The following PDSS2 variants were observed in gnomAD, a reference collection of about 807,000 sequenced individuals.
PDSS2 encodes decaprenyl diphosphate synthase subunit 2.
In PDSS2, 31 loss-of-function variants were observed where a neutral mutation model predicts 44.5. The observed-to-expected ratio is 0.70, with a 90% CI of 0.52 to 0.94. The LOEUF (loss-of-function observed/expected upper bound fraction) is 0.94, where lower values mean the gene tolerates loss of function less well. Ranked by LOEUF, PDSS2 falls within the 40% of genes least tolerant of loss-of-function variation. The pLI, the probability that PDSS2 is intolerant of heterozygous loss-of-function variation, is 0.00. For synonymous variants in PDSS2, 157 were observed against 180.3 expected, an observed-to-expected ratio of 0.87 and a Z score of 1.03; for missense variants, 452 against 482.2, an observed-to-expected ratio of 0.94 and a Z score of 0.59.
Position 107,459,279 on chromosome 6 carries a change from A to G in PDSS2, c.7T>C (p.Phe3Leu), listed in dbSNP as rs3734675. MN[F>L]RQLLLHLPRY... The stretch of plus-strand genomic sequence containing the variant: ...GGCAAGTGCAACAGCAGCTGCCGAA[A>G]GTTCATGGTTTGAGTCTGGAAGGGT... Residue 3 changes from phenylalanine (F) to leucine (L), a missense_variant, in exon 1 of 8, where the codon TTT (phenylalanine) becomes CTT (leucine). Transcript: ENST00000369037. This position sits in a 1 kb window ranked among gnomAD's most constrained non-coding sequence, Gnocchi z 4.3. The G allele has an allele frequency of 6.0e-3, 9,761 of 1,613,980 alleles. 329 individuals are homozygous for G. The East Asian group carries it at 0.1, about 17-fold the overall frequency.
chr6:107,182,850 T>C (rs1428733575), intron 7 of PDSS2, among the ~76,000 whole-genome samples: 3 of 152,164 alleles, frequency 2.0e-5, no homozygotes, highest in Admixed American at 6.6e-5. Context: ...GTCTGAAATG[T>C]AGTTGCCAAG....
chr6:107,359,240 G>A (rs956200849), intron 1 of PDSS2, among the ~76,000 whole-genome samples: 1 of 151,078 alleles, frequency 6.6e-6, no homozygotes, highest in African/African-American at 2.4e-5. Context: ...TCAAACTCCT[G>A]ACCTCAGGTG....
At chr6:107,211,182 G>A (rs533713128) in intron 5 of PDSS2, among the ~76,000 whole-genome samples, 1 of 151,754 alleles carries the variant, frequency 6.6e-6, no homozygotes, top group East Asian at 1.9e-4. Flanking sequence ...AATAAAATAT[G>A]CAAAAAGCTC....
intron 4 of PDSS2, among the ~76,000 whole-genome samples, chr6:107,213,530 G>A (rs1166115206): frequency 1.3e-5 from 2 of 152,108 alleles, no homozygotes; most frequent in African/African-American, 4.8e-5. Context: ...GGAGGCTGAG[G>A]TGGGTGGATC....
At chr6:107,161,992 C>T (rs900523596) in intron 7 of PDSS2, among the ~76,000 whole-genome samples, 3 of 152,048 alleles carry the variant, frequency 2.0e-5, no homozygotes, top group Non-Finnish European at 4.4e-5. Flanking sequence ...ATAAATACTC[C>T]CATTATGGCT....
intron 7 of PDSS2, among the ~76,000 whole-genome samples, chr6:107,175,307 T>C (rs528743303): frequency 1.3e-5 from 2 of 152,186 alleles, no homozygotes; most frequent in South Asian, 2.1e-4. Flanking sequence ...ACGAGGTAGA[T>C]GCTACTATTA....
At chr6:107,241,448 A>G (rs551896974) in intron 4 of PDSS2, among the ~76,000 whole-genome samples, 7 of 141,704 alleles carry the variant, frequency 4.9e-5, no homozygotes, top group South Asian at 2.3e-4. Flanking sequence ...CCGGGTTCAC[A>G]CCATTCTTCT....
In PDSS2 at chr6:107,245,418, C is replaced by CAAA. The variant is rs35614951; in HGVS notation, c.702+127_702+129dup. On this transcript the variant is annotated intron_variant, in intron 4 of 7. Transcript: ENST00000369037. ...ATGAATTTGTAGCCAAAACACTAATCAAAAAAAAAAAAAAAAAAAAAAAAA... is the reference window on the plus strand; with the variant it reads ...ATGAATTTGTAGCCAAAACACTAATCAAAAAAAAAAAAAAAAAAAAAAAAAAAA... 2.4e-4 allele frequency: 29 copies of CAAA among 120,340 alleles called. 1 individual carries two copies. The highest frequency in any genetic ancestry group is 1.1e-3 in the African/African-American group (10 of 8,934). The allele number at this position is 120,340 out of a possible 1,614,324, so 7.5% of individuals were successfully genotyped here. A position where few individuals can be genotyped will look rare whatever the true frequency, so the allele number is the denominator to read the frequency against.
In PDSS2 at chr6:107,362,907, G is replaced by A. The variant is rs761231318; in HGVS notation, c.297-28575C>T. ...TGAAATGAAAATATCACCAGAGAGT[G>A]CAATAGAGGATGTGAAATAGCAGAA... is the stretch of plus-strand genomic sequence containing the variant. On this transcript the variant is annotated intron_variant, in intron 1 of 7. Coordinates refer to ENST00000369037, the MANE Select transcript of PDSS2 (RefSeq NM_020381.4). Among the ~76,000 whole-genome samples, 10 of 152,152 alleles carry A rather than the reference G, an allele frequency of 6.6e-5. No individual in the cohort carries two copies. The South Asian group carries it at 8.3e-4, about 13-fold the overall frequency.
At chr6:107,244,656 C>G (rs1582838862) in intron 4 of PDSS2, among the ~76,000 whole-genome samples, 1 of 152,272 alleles carries the variant, frequency 6.6e-6, no homozygotes, top group South Asian at 2.1e-4. Flanking sequence ...CTGGGTTATA[C>G]TTTTAAATTT....
chr6:107,295,645 C>T (rs1776486609), intron 2 of PDSS2, among the ~76,000 whole-genome samples: 2 of 152,076 alleles, frequency 1.3e-5, no homozygotes, highest in East Asian at 1.9e-4. Context: ...CCAAGAGTGA[C>T]CAGCACAGCC....
chr6:107,176,580 G>A (rs572739104), intron 7 of PDSS2, among the ~76,000 whole-genome samples: 1 of 152,240 alleles, frequency 6.6e-6, no homozygotes, highest in East Asian at 1.9e-4. Context: ...GCAGCCTCCT[G>A]TTGGGAGTGA....
intron 1 of PDSS2, among the ~76,000 whole-genome samples, chr6:107,355,231 C>T (rs72939875): frequency 0.069 from 10,452 of 152,212 alleles, 430 homozygotes; most frequent in Non-Finnish European, 0.091. Context: ...TTCTATGCTT[C>T]TTACATCAAA....
chr6:107,428,669 A>G (rs568499015), intron 1 of PDSS2, among the ~76,000 whole-genome samples: 15 of 152,216 alleles, frequency 9.9e-5, no homozygotes, highest in African/African-American at 3.6e-4. Flanking sequence ...CATCTTTACA[A>G]AAAGAAATTT....
intron 3 of PDSS2, among the ~76,000 whole-genome samples, chr6:107,246,254 T>C (rs193227334): frequency 1.3e-5 from 2 of 152,152 alleles, no homozygotes; most frequent in East Asian, 3.9e-4. Flanking sequence ...GATCAAAAGC[T>C]TTGAACTTGT....
At chr6:107,390,233 G>C (rs998077272) in intron 1 of PDSS2, among the ~76,000 whole-genome samples, 2 of 152,084 alleles carry the variant, frequency 1.3e-5, no homozygotes, top group Admixed American at 6.5e-5. Flanking sequence ...CATTACAGTA[G>C]AGAAATCTGC....
Position 107,210,563 on chromosome 6 carries a change from G to A in PDSS2, c.884C>T (p.Ser295Phe). The change falls in exon 6 of 8, where the codon TCT becomes TTT. Residue 295 changes from serine (S) to phenylalanine (F), a missense_variant. Physicochemically the swap from Ser to Phe is radical, Grantham distance 155. Coordinates refer to ENST00000369037, the MANE Select transcript of PDSS2 (RefSeq NM_020381.4). ...TTCTTTAATAAAAGGCTGGACATCA[G>A]AATTTATCTACAAGAAGCAATTAAA... ...KHMAMSHKINSDVQPFIKEKT... is the reference protein window; with the variant it reads ...KHMAMSHKINFDVQPFIKEKT... 6.3e-7 allele frequency: 1 copy of A among 1,592,054 alleles called. No homozygotes were observed. The highest frequency in any genetic ancestry group is 8.6e-7 in the Non-Finnish European group (1 of 1,160,272).
At chr6:107,295,122 T>C (rs1776471669) in intron 2 of PDSS2, among the ~76,000 whole-genome samples, 1 of 151,904 alleles carries the variant, frequency 6.6e-6, no homozygotes, top group Non-Finnish European at 1.5e-5. Context: ...TTAGTAGAGA[T>C]GGGGTTTTGC....
At chr6:107,429,901 A>AAAAAATATAT (rs1166637352) in intron 1 of PDSS2, among the ~76,000 whole-genome samples, 11 of 31,822 alleles carry the variant, frequency 3.5e-4, no homozygotes, top group South Asian at 2.6e-3. Context: ...AAAAAAAAAA[A>AAAAAATATAT]ATATATATAT....
Sources: gnomAD v4.1 joint callset for allele counts (sites outside exome capture counted in the v4.1 genomes callset) on GRCh38, gnomAD v4.1.1 for gene constraint, Gnocchi (gnomAD v3.1) non-coding constraint, MANE v1.5 for transcripts, NCBI Gene and HGNC (gene_info 2026-07-23, HGNC 2026-07-21) for gene names.